MTCL2: variants seen among roughly 807,000 people sequenced by gnomAD.
MTCL2 encodes the protein microtubule cross-linking factor 2.
chr20:36,810,118 G>C, the MTCL2 span: 1 of 1,587,270 alleles, frequency 6.3e-7, no homozygotes, highest in Non-Finnish European at 8.5e-7. Context: ...CTGTGGTACA[G>C]ACAGGGGACA....
At chr20:36,816,074 T>C in the MTCL2 span, 1 of 1,613,518 alleles carries the variant, frequency 6.2e-7, no homozygotes, top group Non-Finnish European at 8.5e-7. Flanking sequence ...GCAGGTTGGC[T>C]TCCTCCTCCA....
the MTCL2 span, among the ~76,000 whole-genome samples, chr20:36,839,635 T>C: frequency 6.6e-6 from 1 of 152,120 alleles, no homozygotes. This position sits in a 1 kb window ranked among gnomAD's most constrained non-coding sequence, Gnocchi z 5.1. Flanking sequence ...AAAAGAGACT[T>C]TGCAAATATG....
chr20:36,786,495 G>A, the MTCL2 span: 679 of 1,544,674 alleles, frequency 4.4e-4, 3 homozygotes, highest in African/African-American at 7.8e-3. Flanking sequence ...TCACTCGCTG[G>A]GGGGGAGTGC....
At chr20:36,794,760 C>A in the MTCL2 span, 18 of 829,870 alleles carry the variant, frequency 2.2e-5, no homozygotes, top group Non-Finnish European at 3.2e-5. The surrounding 1 kb of genome is among the most constrained non-coding windows in gnomAD (Gnocchi z 5.4). Flanking sequence ...CACATTCTGT[C>A]TGCATTTTCT....
chr20:36,809,353 C>T, the MTCL2 span, among the ~76,000 whole-genome samples: 1 of 152,168 alleles, frequency 6.6e-6, no homozygotes. Flanking sequence ...AAGGGCTTAA[C>T]AAATGTTATT....
the MTCL2 span, among the ~76,000 whole-genome samples, chr20:36,807,198 G>T: frequency 6.6e-6 from 1 of 152,184 alleles, no homozygotes; most frequent in Non-Finnish European, 1.5e-5. Flanking sequence ...GGGAGGAGCT[G>T]GTGGCCTGCG....
chr20:36,784,175 G>A, the MTCL2 span: 8 of 986,136 alleles, frequency 8.1e-6, no homozygotes, highest in Non-Finnish European at 9.6e-6. Flanking sequence ...GGTGGCTTGT[G>A]GCCTGATGTG....
At chr20:36,853,702 G>GGT in the MTCL2 span, among the ~76,000 whole-genome samples, 3,105 of 143,896 alleles carry the variant, frequency 0.022, 31 homozygotes, top group Admixed American at 0.031. Flanking sequence ...ATCAGGGAGG[G>GGT]GTGTGTGTGT....
chr20:36,834,226 TG>T, the MTCL2 span, among the ~76,000 whole-genome samples: 1 of 151,066 alleles, frequency 6.6e-6, no homozygotes, highest in East Asian at 1.9e-4. Flanking sequence ...CTGGACTCCG[TG>T]TGGCTGAATC....
the MTCL2 span, among the ~76,000 whole-genome samples, chr20:36,803,560 G>A: frequency 2.5e-3 from 380 of 152,158 alleles, 2 homozygotes; most frequent in African/African-American, 8.6e-3. Flanking sequence ...AGGGGACACC[G>A]TGGAATATGC....
At chr20:36,840,166 G>GT in the MTCL2 span, among the ~76,000 whole-genome samples, 1,540 of 122,848 alleles carry the variant, frequency 0.013, 30 homozygotes, top group South Asian at 0.035. Context: ...CCAGCCTGGT[G>GT]TTTTTTTTTT....
At chr20:36,840,091 T>G in the MTCL2 span, among the ~76,000 whole-genome samples, 1 of 151,762 alleles carries the variant, frequency 6.6e-6, no homozygotes. Context: ...CTTGAACTCC[T>G]GACCTCAAGC....
At chr20:36,838,052 G>GTT in the MTCL2 span, among the ~76,000 whole-genome samples, 7 of 139,736 alleles carry the variant, frequency 5.0e-5, no homozygotes, top group Admixed American at 7.1e-5. Flanking sequence ...ACTTCTCTTT[G>GTT]TTTTTTTTTT....
chr20:36,856,663 C>A, the MTCL2 span, among the ~76,000 whole-genome samples: 3 of 152,212 alleles, frequency 2.0e-5, no homozygotes, highest in South Asian at 6.2e-4. Context: ...GACCCCAAGA[C>A]CCCCAGCTCC....
the MTCL2 span, among the ~76,000 whole-genome samples, chr20:36,841,389 C>T: frequency 2.6e-5 from 4 of 151,720 alleles, no homozygotes; most frequent in Non-Finnish European, 5.9e-5. Flanking sequence ...AAAATGAAAC[C>T]AAACAACATG....
chr20:36,833,362 C>A, the MTCL2 span, among the ~76,000 whole-genome samples: 15 of 152,366 alleles, frequency 9.8e-5, no homozygotes, highest in African/African-American at 3.6e-4. Context: ...CTGCGGCTTC[C>A]GAAAACCAGG....
the MTCL2 span, among the ~76,000 whole-genome samples, chr20:36,791,031 T>C: frequency 1.3e-5 from 2 of 151,684 alleles, no homozygotes; most frequent in Admixed American, 1.3e-4. Context: ...CTTTAAAACA[T>C]TTATATTTTT....
chr20:36,782,404 A>G, the MTCL2 span: 1 of 152,274 alleles, frequency 6.6e-6, no homozygotes, highest in East Asian at 1.9e-4. Flanking sequence ...ATCTAAACTC[A>G]GTGACTTCTC....
At chr20:36,840,321 C>T in the MTCL2 span, among the ~76,000 whole-genome samples, 48 of 151,380 alleles carry the variant, frequency 3.2e-4, no homozygotes, top group South Asian at 2.1e-4. Flanking sequence ...CCCGCCACCA[C>T]GCCTGGCTAA....
Sources: allele counts gnomAD v4.1 joint callset (sites outside exome capture counted in the v4.1 genomes callset), GRCh38; gene constraint gnomAD v4.1.1; non-coding constraint Gnocchi (gnomAD v3.1); transcripts MANE v1.5; gene names NCBI Gene and HGNC (gene_info 2026-07-23, HGNC 2026-07-21).